Variants in NAB1 observed in about 807,000 individuals in gnomAD.
The protein encoded by NAB1 is NGFI-A binding protein 1.
NAB1 carries 25 observed loss-of-function variants against 49.9 expected under a neutral mutation model. The ratio of observed to expected loss-of-function variants is 0.50; its 90% CI spans 0.37 to 0.70. The LOEUF (loss-of-function observed/expected upper bound fraction) is 0.70, where lower values mean the gene tolerates loss of function less well. NAB1 is among the 30% of genes least tolerant of loss of function. The pLI, the probability that NAB1 is intolerant of heterozygous loss-of-function variation, is 0.00. For synonymous variants in NAB1, 198 were observed against 215.6 expected, an observed-to-expected ratio of 0.92 and a Z score of 0.71; for missense variants, 489 against 575.9, an observed-to-expected ratio of 0.85 and a Z score of 1.54.
Position 190,682,462 on chromosome 2 carries a change from A to G in NAB1, c.1006-1276A>G, listed in dbSNP as rs1695396896. On this transcript the variant is annotated intron_variant, in intron 6 of 9. Coordinates refer to ENST00000337386, the MANE Select transcript of NAB1 (RefSeq NM_005966.4). This position sits in a 1 kb window ranked among gnomAD's most constrained non-coding sequence, Gnocchi z 4.1. ...ATGATAAAGGTGAAATCGCAAGCCA[A>G]CATGAAGGAATCCTTGAGCAATTCA... Among the ~76,000 whole-genome samples, 1 of 152,226 alleles carries G rather than the reference A, an allele frequency of 6.6e-6. No individual in the cohort carries two copies. Among genetic ancestry groups the G allele is most frequent in the Non-Finnish European group, 1.5e-5 (1 of 68,038 alleles).
chr2:190,674,283 C>T lies in NAB1; in HGVS notation c.1005+1131C>T, dbSNP rs1343215142. On this transcript the variant is annotated intron_variant, in intron 6 of 9. Transcript: ENST00000337386. The surrounding 1 kb of genome is among the most constrained non-coding windows in gnomAD (Gnocchi z 5.7). ...CTCTCCATTCTTACTGTGTTCCAGC[C>T]GCACTGACTGACTTTCTGTTCCTGA... is the stretch of plus-strand genomic sequence containing the variant. Among the ~76,000 whole-genome samples the T allele has an allele frequency of 6.6e-6, 1 of 152,066 alleles. No individual in the cohort carries two copies. The highest frequency in any genetic ancestry group is 2.4e-5 in the African/African-American group (1 of 41,400).
rs766557187 is a variant in NAB1, at chr2:190,690,301, G to A, written c.1432G>A (p.Val478Ile). 6.2e-7 allele frequency: 1 copy of A among 1,612,694 alleles called. No individual in the cohort carries two copies. ...TTCAGCTTTTACCTTAGAAAAGAAA[G>A]TCATCAAAACAGAGCCTGAAGATTC... is the stretch of plus-strand genomic sequence containing the variant. Reference protein sequence around the residue: ...PHSAFTLEKKVIKTEPEDSR With the variant: ...PHSAFTLEKKIIKTEPEDSR Residue 478 changes from valine (V) to isoleucine (I), a missense_variant, in exon 10 of 10, where the codon GTC (valine) becomes ATC (isoleucine). Physicochemically the swap from Val to Ile is conservative, Grantham distance 29. This residue lies in a region of NAB1 where 212 missense variants were observed against 199.3 expected (regional missense o/e 1.06). Coordinates refer to ENST00000337386, the MANE Select transcript of NAB1 (RefSeq NM_005966.4).
rs1002003871 is a variant in NAB1, at chr2:190,679,461, C to A, written c.1006-4277C>A. ...ATCTTTATTAATGGTGGAATAGTGT[C>A]CATTTTCTAGCAACTTTCACATGTA... On this transcript the variant is annotated intron_variant, in intron 6 of 9. Coordinates refer to ENST00000337386, the MANE Select transcript of NAB1 (RefSeq NM_005966.4). The surrounding 1 kb of genome is among the most constrained non-coding windows in gnomAD (Gnocchi z 5.3). Among the ~76,000 whole-genome samples the A allele has an allele frequency of 3.3e-5, 5 of 152,128 alleles. No individual in the cohort carries two copies. Among genetic ancestry groups the A allele is most frequent in the African/African-American group, 1.2e-4 (5 of 41,418 alleles).
intron 3 of NAB1, among the ~76,000 whole-genome samples, chr2:190,656,616 A>G (rs969654607): frequency 2.6e-5 from 4 of 152,174 alleles, no homozygotes; most frequent in Non-Finnish European, 5.9e-5. Context: ...TTACCCATGC[A>G]GAGGGCTTTC....
Position 190,674,717 on chromosome 2 carries a change from G to A in NAB1, c.1005+1565G>A, listed in dbSNP as rs998621754. On this transcript the variant is annotated intron_variant, in intron 6 of 9. Transcript: ENST00000337386. This position sits in a 1 kb window ranked among gnomAD's most constrained non-coding sequence, Gnocchi z 5.7. ...TTATCTGAAAGCAGTGGTTCTCAAGGAAGAGAAGTATTTTGTCAAAAACAA... is the reference window on the plus strand; with the variant it reads ...TTATCTGAAAGCAGTGGTTCTCAAGAAAGAGAAGTATTTTGTCAAAAACAA... Among the ~76,000 whole-genome samples the A allele has an allele frequency of 3.3e-5, 5 of 152,088 alleles. No homozygotes were observed. The highest frequency in any genetic ancestry group is 3.3e-4 in the Admixed American group (5 of 15,274).
At chr2:190,653,981 T>C (rs1003883821) in intron 2 of NAB1, among the ~76,000 whole-genome samples, 3 of 152,190 alleles carry the variant, frequency 2.0e-5, no homozygotes, top group African/African-American at 4.8e-5. Context: ...TGTTATTGGA[T>C]TGGCAATTCA....
In NAB1 at chr2:190,657,684, G is replaced by A. The variant is rs1321004647; in HGVS notation, c.-19-1474G>A. ...GATGACACAGAGGTTCCAGGAGATGGGACTTCCGGTAGTCAGTGCTTAGAG... is the reference window on the plus strand; with the variant it reads ...GATGACACAGAGGTTCCAGGAGATGAGACTTCCGGTAGTCAGTGCTTAGAG... On this transcript the variant is annotated intron_variant, in intron 3 of 9. Coordinates refer to ENST00000337386, the MANE Select transcript of NAB1 (RefSeq NM_005966.4). The surrounding 1 kb of genome is among the most constrained non-coding windows in gnomAD (Gnocchi z 4.4). 2.0e-5 allele frequency among the ~76,000 whole-genome samples: 3 copies of A among 152,178 alleles called. No homozygotes were observed. The highest frequency in any genetic ancestry group is 4.4e-5 in the Non-Finnish European group (3 of 68,030).
At chr2:190,656,648 A>AT (rs568666112) in intron 3 of NAB1, among the ~76,000 whole-genome samples, 45 of 149,292 alleles carry the variant, frequency 3.0e-4, no homozygotes, top group Admixed American at 1.1e-3. Flanking sequence ...AGGGGGTTTC[A>AT]TTTTTTTTTT....
intron 5 of NAB1, among the ~76,000 whole-genome samples, chr2:190,672,679 A>G (rs1694873893): frequency 6.6e-6 from 1 of 152,048 alleles, no homozygotes; most frequent in Admixed American, 6.6e-5. Context: ...ATCATTAAAT[A>G]TTTATTAAGT....
Position 190,689,877 on chromosome 2 carries a change from A to G in NAB1, c.1376-368A>G, listed in dbSNP as rs969259840. ...TCAAGCATTAAATAAAAATTAATAT[A>G]TTCTATATGCTAAATGTTTTATGTG... On this transcript the variant is annotated intron_variant, in intron 9 of 9. Transcript: ENST00000337386. The surrounding 1 kb of genome is among the most constrained non-coding windows in gnomAD (Gnocchi z 4.3). 2.6e-5 allele frequency among the ~76,000 whole-genome samples: 4 copies of G among 151,624 alleles called. No individual in the cohort carries two copies. The highest frequency in any genetic ancestry group is 9.7e-5 in the African/African-American group (4 of 41,294).
In NAB1 at chr2:190,659,342, G is replaced by A. The variant is rs981254661; in HGVS notation, c.166G>A (p.Val56Met). The change falls in exon 4 of 10, where the codon GTG becomes ATG. Residue 56 changes from valine to methionine, a missense_variant. Val to Met is a conservative substitution (Grantham distance 21). Transcript: ENST00000337386. The surrounding 1 kb of genome is among the most constrained non-coding windows in gnomAD (Gnocchi z 6.2). The stretch of plus-strand genomic sequence containing the variant: ...GGAGTTTTTGGAAATCATGGCACTC[G>A]TGGGCATGGCTAGCAAGCCCCTTCA... ...EEEFLEIMAL[V>M]GMASKPLHVR... is the part of the protein sequence containing the mutation. 1 of 1,614,088 alleles carries A rather than the reference G, an allele frequency of 6.2e-7. No homozygotes were observed. The highest frequency in any genetic ancestry group is 8.5e-7 in the Non-Finnish European group (1 of 1,180,002).
chr2:190,689,704 A>C lies in NAB1; in HGVS notation c.1376-541A>C, dbSNP rs1006056190. On this transcript the variant is annotated intron_variant, in intron 9 of 9. Transcript: ENST00000337386. The surrounding 1 kb of genome is among the most constrained non-coding windows in gnomAD (Gnocchi z 4.3). ...TTTTATCCCTATTTCCCCTACCTTA[A>C]TATGTCATTGTCGGAAGAACTTTAA... Among the ~76,000 whole-genome samples, 1 of 152,060 alleles carries C rather than the reference A, an allele frequency of 6.6e-6. No individual in the cohort carries two copies. Among genetic ancestry groups the C allele is most frequent in the Non-Finnish European group, 1.5e-5 (1 of 67,998 alleles).
chr2:190,692,222 G>GAAACATTTTGTTTTTTTTT lies in NAB1; in HGVS notation c.*1892_*1910dup. 6.6e-6 allele frequency: 1 copy of GAAACATTTTGTTTTTTTTT among 152,566 alleles called. No individual in the cohort carries two copies. The highest frequency in any genetic ancestry group is 1.9e-4 in the East Asian group (1 of 5,186). The allele number at this position is 152,566 out of a possible 1,614,324, so 9.5% of individuals were successfully genotyped here. ...CGTTTCCTGTATTCTAATCTATTTT[G>GAAACATTTTGTTTTTTTTT]AAACATTTTGTTTTTTTTTAATTGT... On this transcript the variant is annotated 3_prime_UTR_variant, in exon 10 of 10. Coordinates refer to ENST00000337386, the MANE Select transcript of NAB1 (RefSeq NM_005966.4). This position sits in a 1 kb window ranked among gnomAD's most constrained non-coding sequence, Gnocchi z 5.2.
Position 190,666,679 on chromosome 2 carries a change from T to G in NAB1, c.820-3647T>G, listed in dbSNP as rs1400606838. ...CTGCATTCCAGCCTGGGAGACAGAG[T>G]GAGACTCCATCTCAAAAAAAAAAGA... is the stretch of plus-strand genomic sequence containing the variant. On this transcript the variant is annotated intron_variant, in intron 4 of 9. Coordinates refer to ENST00000337386, the MANE Select transcript of NAB1 (RefSeq NM_005966.4). This position sits in a 1 kb window ranked among gnomAD's most constrained non-coding sequence, Gnocchi z 5.6. 1.3e-5 allele frequency among the ~76,000 whole-genome samples: 2 copies of G among 151,152 alleles called. No homozygotes were observed. Among genetic ancestry groups the G allele is most frequent in the African/African-American group, 4.9e-5 (2 of 41,050 alleles).
At chr2:190,672,445 T>A (rs906163223) in intron 5 of NAB1, among the ~76,000 whole-genome samples, 45 of 151,934 alleles carry the variant, frequency 3.0e-4, no homozygotes, top group African/African-American at 1.0e-3. Flanking sequence ...GAGCATCATT[T>A]TATATATATA....
At chr2:190,655,116 A>T (rs967738595) in intron 2 of NAB1, among the ~76,000 whole-genome samples, 2 of 152,254 alleles carry the variant, frequency 1.3e-5, no homozygotes, top group Non-Finnish European at 2.9e-5. Context: ...GCAAATATTT[A>T]TGACTACTTT....
chr2:190,668,683 T>C (rs1694648688), intron 4 of NAB1, among the ~76,000 whole-genome samples: 1 of 152,182 alleles, frequency 6.6e-6, no homozygotes, highest in Non-Finnish European at 1.5e-5. Context: ...GATGGAATGA[T>C]TGCATGCTAT....
rs1369646057 is a variant in NAB1, at chr2:190,690,128, A to AAT, written c.1376-117_1376-116insAT. Reference sequence around the variant, plus strand: ...CAAAAATTTTGCATGGAATTACAGAATCATGAATAGTTGATACTATTTGAT... The same window carrying AAT: ...CAAAAATTTTGCATGGAATTACAGAAATTCATGAATAGTTGATACTATTTGAT... On this transcript the variant is annotated intron_variant, in intron 9 of 9. Transcript: ENST00000337386. 5.4e-6 allele frequency: 4 copies of AAT among 734,856 alleles called. No homozygotes were observed. In the East Asian group the frequency reaches 1.0e-4, roughly 19 times the overall value. The allele number at this position is 734,856 out of a possible 1,614,324, so 45.5% of individuals were successfully genotyped here.
intron 2 of NAB1, among the ~76,000 whole-genome samples, chr2:190,655,547 A>G (rs574655895): frequency 7.4e-4 from 112 of 152,376 alleles, no homozygotes; most frequent in African/African-American, 2.6e-3. Flanking sequence ...GAGTGATACC[A>G]TGCAGCAGAC....
Sources: allele counts gnomAD v4.1 joint callset (sites outside exome capture counted in the v4.1 genomes callset), GRCh38; gene constraint gnomAD v4.1.1; regional missense constraint gnomAD v4.1.1; non-coding constraint Gnocchi (gnomAD v3.1); transcripts MANE v1.5; gene names NCBI Gene and HGNC (gene_info 2026-07-23, HGNC 2026-07-21).